Variants in SLC23A1 observed in about 807,000 individuals in gnomAD.
SLC23A1 encodes the protein solute carrier family 23 member 1, also known as Na(+)/L-ascorbic acid transporter 1.
SLC23A1 carries 31 observed loss-of-function variants against 62.5 expected under a neutral mutation model. The observed-to-expected ratio is 0.50, with a 90% CI of 0.37 to 0.67. SLC23A1 has a LOEUF of 0.67. Ranked by LOEUF, SLC23A1 falls within the 30% of genes least tolerant of loss-of-function variation. SLC23A1 has a pLI of 0.00. For synonymous variants in SLC23A1, 271 were observed against 313.2 expected, an observed-to-expected ratio of 0.87 and a Z score of 1.42; for missense variants, 640 against 782.7, an observed-to-expected ratio of 0.82 and a Z score of 2.18.
intron 14 of SLC23A1, among the ~76,000 whole-genome samples, chr5:139,371,176 A>G (rs1224350011): frequency 6.6e-6 from 1 of 152,148 alleles, no homozygotes; most frequent in Non-Finnish European, 1.5e-5. Context: ...CTTCCTTTCC[A>G]CATCTCTAAA....
Position 139,379,733 on chromosome 5 carries a change from G to A in SLC23A1, c.870C>T (p.Thr290=), listed in dbSNP as rs756628508. 8.7e-6 allele frequency: 14 copies of A among 1,613,990 alleles called. No homozygotes were observed. Among genetic ancestry groups the A allele is most frequent in the Admixed American group, 1.7e-5 (1 of 59,998 alleles). The change falls in exon 8 of 15, where the codon ACC becomes ACT. Residue 290 remains threonine, a synonymous_variant. Transcript: ENST00000348729. This position sits in a 1 kb window ranked among gnomAD's most constrained non-coding sequence, Gnocchi z 4.7. ...DPKAYGFQAR[T]DARGDIMAIA... ...TAGCCATGATGTCACCACGGGCATCGGTTCGTGCCTGGAAGCCATAGGCTT... is the reference window on the plus strand; with the variant it reads ...TAGCCATGATGTCACCACGGGCATCAGTTCGTGCCTGGAAGCCATAGGCTT...
At chr5:139,368,565 G>T (rs1757442767) in intron 14 of SLC23A1, among the ~76,000 whole-genome samples, 1 of 151,638 alleles carries the variant, frequency 6.6e-6, no homozygotes, top group South Asian at 2.1e-4. Flanking sequence ...AATTTAATAT[G>T]ATATATAGCT....
intron 13 of SLC23A1, among the ~76,000 whole-genome samples, chr5:139,376,328 C>T (rs1757944927): frequency 6.6e-6 from 1 of 152,058 alleles, no homozygotes; most frequent in Non-Finnish European, 1.5e-5. Flanking sequence ...CACCACCACA[C>T]CCAGCTAATT....
At chr5:139,373,504 T>C (rs973876702) in intron 13 of SLC23A1, among the ~76,000 whole-genome samples, 3 of 152,120 alleles carry the variant, frequency 2.0e-5, no homozygotes, top group African/African-American at 7.2e-5. Context: ...CTAGGAATTC[T>C]CCCTCAGGTG....
rs765753884 is a variant in SLC23A1, at chr5:139,382,064, A to G, written c.151-15T>C. On this transcript the variant is annotated splice_polypyrimidine_tract_variant and intron_variant, in intron 2 of 14. Coordinates refer to ENST00000348729, the MANE Select transcript of SLC23A1 (RefSeq NM_005847.5). Reference sequence around the variant, plus strand: ...GTCAGGTAGTGCTGGGCAGAGGGAGACAGCAGAGTGCATGAGGCAGGACCC... The same window carrying G: ...GTCAGGTAGTGCTGGGCAGAGGGAGGCAGCAGAGTGCATGAGGCAGGACCC... 4.4e-6 allele frequency: 7 copies of G among 1,603,062 alleles called. No homozygotes were observed. Among genetic ancestry groups the G allele is most frequent in the Non-Finnish European group, 5.1e-6 (6 of 1,174,676 alleles).
chr5:139,370,742 A>G (rs1456284445), intron 14 of SLC23A1, among the ~76,000 whole-genome samples: 1 of 151,792 alleles, frequency 6.6e-6, no homozygotes, highest in Admixed American at 6.6e-5. Context: ...GATCGCCCTT[A>G]AGAGTAAAGA....
Position 139,377,957 on chromosome 5 carries a change from G to C in SLC23A1, c.1453+18C>G. ...TGGGCCCACCCCGCCTTTGGAGACAGTAAACAGCTGGAGGCACCTGTATTG... is the reference window on the plus strand; with the variant it reads ...TGGGCCCACCCCGCCTTTGGAGACACTAAACAGCTGGAGGCACCTGTATTG... On this transcript the variant is annotated intron_variant, in intron 12 of 14. Coordinates refer to ENST00000348729, the MANE Select transcript of SLC23A1 (RefSeq NM_005847.5). The C allele has an allele frequency of 1.2e-6, 2 of 1,611,910 alleles. No individual in the cohort carries two copies. The highest frequency in any genetic ancestry group is 2.2e-5 in the South Asian group (2 of 90,668).
Position 139,382,095 on chromosome 5 carries a change from C to G in SLC23A1, c.151-46G>C, listed in dbSNP as rs371565033. The stretch of plus-strand genomic sequence containing the variant: ...GAGTGCATGAGGCAGGACCCCAGAG[C>G]TCCAGGGAGAGGGGACAACCTAGTG... On this transcript the variant is annotated intron_variant, in intron 2 of 14. Coordinates refer to ENST00000348729, the MANE Select transcript of SLC23A1 (RefSeq NM_005847.5). 3.7e-5 allele frequency: 58 copies of G among 1,565,160 alleles called. No homozygotes were observed. The African/African-American group carries it at 7.6e-4, about 20-fold the overall frequency.
upstream of SLC23A1, among the ~76,000 whole-genome samples, chr5:139,383,656 ATCATTATCATCATCATCATAGTCATTC>A (rs570809450): frequency 6.6e-6 from 1 of 152,222 alleles, no homozygotes; most frequent in Non-Finnish European, 1.5e-5. Flanking sequence ...TAACTAGTTC[ATCATTATCATCATCATCATAGTCATTC>A]TCGTTATTGA....
At position 139,378,486 on chromosome 5, in the gene SLC23A1, A is replaced by G; in HGVS notation, c.1179+93T>C. On this transcript the variant is annotated intron_variant, in intron 10 of 14. Coordinates refer to ENST00000348729, the MANE Select transcript of SLC23A1 (RefSeq NM_005847.5). The surrounding 1 kb of genome is among the most constrained non-coding windows in gnomAD (Gnocchi z 4.5). ...TGCGGGGGCGAGGCCTCTCAAAGAC[A>G]GGGTGGGGCTAAACCAAAGTGGGGA... 2 of 1,422,592 alleles carry G rather than the reference A, an allele frequency of 1.4e-6. No homozygotes were observed. Among genetic ancestry groups the G allele is most frequent in the Non-Finnish European group, 1.9e-6 (2 of 1,034,788 alleles). The allele number at this position is 1,422,592 out of a possible 1,614,324, so 88.1% of individuals were successfully genotyped here. A position where few individuals can be genotyped will look rare whatever the true frequency, so the allele number is the denominator to read the frequency against.
At position 139,380,273 on chromosome 5, in the gene SLC23A1, G is replaced by A; in HGVS notation, c.582C>T (p.Leu194=). 1.3e-6 allele frequency: 2 copies of A among 1,586,312 alleles called. No individual in the cohort carries two copies. Among genetic ancestry groups the A allele is most frequent in the Non-Finnish European group, 1.7e-6 (2 of 1,166,258 alleles). The change falls in exon 6 of 15, where the codon CTC becomes CTT. Residue 194 remains leucine, a synonymous_variant. Coordinates refer to ENST00000348729, the MANE Select transcript of SLC23A1 (RefSeq NM_005847.5). ...GPLTVTPTVS[L]IGLSVFQAAG... ...CAGCTTGGAAGACAGAAAGGCCAAT[G>A]AGGGAGACAGTGGGGGTGACTGTGA...
intron 14 of SLC23A1, among the ~76,000 whole-genome samples, chr5:139,370,429 C>T (rs1237839690): frequency 6.6e-6 from 1 of 151,902 alleles, no homozygotes; most frequent in African/African-American, 2.4e-5. Flanking sequence ...CCTCGGCCTC[C>T]CAAAGTGCTG....
chr5:139,383,826 G>T (rs114534894), upstream of SLC23A1, among the ~76,000 whole-genome samples: 1 of 152,226 alleles, frequency 6.6e-6, no homozygotes, highest in Non-Finnish European at 1.5e-5. Flanking sequence ...AAGCCATGCA[G>T]ATAGCAAGTT....
rs1030615684 is a variant in SLC23A1 at position 139,379,491 on chromosome 5, C to T, written c.926-137G>A. ...GATGGGAGCTATACAGTTGTGGGAGCTTATTTGAGTCACTCAGAGCCAGGA... is the reference window on the plus strand; with the variant it reads ...GATGGGAGCTATACAGTTGTGGGAGTTTATTTGAGTCACTCAGAGCCAGGA... On this transcript the variant is annotated intron_variant, in intron 8 of 14. Transcript: ENST00000348729. This position sits in a 1 kb window ranked among gnomAD's most constrained non-coding sequence, Gnocchi z 4.7. The T allele has an allele frequency of 1.6e-4, 169 of 1,051,280 alleles. 1 individual carries two copies. The Admixed American group carries it at 3.3e-3, about 21-fold the overall frequency. The allele number at this position is 1,051,280 out of a possible 1,614,324, so 65.1% of individuals were successfully genotyped here. A position where few individuals can be genotyped will look rare whatever the true frequency, so the allele number is the denominator to read the frequency against.
At position 139,382,582 on chromosome 5, in the gene SLC23A1, C is replaced by T. The variant is rs770164957; in HGVS notation, c.60G>A (p.Ser20=). 2.3e-5 allele frequency: 37 copies of T among 1,612,698 alleles called. No homozygotes were observed. The highest frequency in any genetic ancestry group is 5.0e-5 in the Admixed American group (3 of 59,832). Residue 20 remains serine (S), a synonymous_variant, in exon 2 of 15, where the codon TCG becomes TCA. Coordinates refer to ENST00000348729, the MANE Select transcript of SLC23A1 (RefSeq NM_005847.5). ...ACTTAGGCTCTGTGGGTAGCGGGGT[C>T]GAGGGGTCCCTGGTGGTTTCATGCT... ...RTQHETTRDP[S]TPLPTEPKFD...
At chr5:139,377,951 G>C in intron 12 of SLC23A1, 24 bp downstream of exon 12, 1 of 1,610,784 alleles carries the variant, frequency 6.2e-7, no homozygotes, top group Non-Finnish European at 8.5e-7. Flanking sequence ...CCCGCCTTTG[G>C]AGACAGTAAA....
At chr5:139,382,075 C>A (rs766897225) in intron 2 of SLC23A1, 26 bp from the exon 3 acceptor site, 2 of 1,595,450 alleles carry the variant, frequency 1.3e-6, no homozygotes, top group South Asian at 2.3e-5. Flanking sequence ...CAGCAGAGTG[C>A]ATGAGGCAGG....
intron 13 of SLC23A1, among the ~76,000 whole-genome samples, chr5:139,375,026 C>T (rs577181443): frequency 8.5e-5 from 13 of 152,304 alleles, no homozygotes; most frequent in African/African-American, 2.4e-4. Flanking sequence ...TAAAATCCTA[C>T]GGGGAACCCT....
At chr5:139,374,518 T>C (rs930725469) in intron 13 of SLC23A1, among the ~76,000 whole-genome samples, 4 of 152,150 alleles carry the variant, frequency 2.6e-5, no homozygotes, top group African/African-American at 9.7e-5. Flanking sequence ...TGGAAAAGGC[T>C]TTTGCTATTC....
Sources: gnomAD v4.1 joint callset for allele counts (sites outside exome capture counted in the v4.1 genomes callset) on GRCh38, gnomAD v4.1.1 for gene constraint, Gnocchi (gnomAD v3.1) non-coding constraint, MANE v1.5 for transcripts, NCBI Gene and HGNC (gene_info 2026-07-23, HGNC 2026-07-21) for gene names.